Variants in PPP2R2D observed in about 807,000 individuals in gnomAD.
The protein encoded by PPP2R2D is protein phosphatase 2 regulatory subunit Bdelta.
A neutral mutation model predicts 31.1 loss-of-function variants in PPP2R2D; 9 were observed. The observed-to-expected ratio is 0.29, with a 90% CI of 0.17 to 0.51. The LOEUF is 0.51. PPP2R2D is among the 20% of genes least tolerant of loss of function. The pLI is 0.98. For synonymous variants in PPP2R2D, 179 were observed against 172.6 expected (o/e 1.04, Z -0.29); for missense variants, 391 against 465.6 (o/e 0.84, Z 1.48).
intron 2 of PPP2R2D, among the ~76,000 whole-genome samples, chr10:131,917,828 C>A (rs1198659653): frequency 9.1e-6 from 1 of 110,014 alleles, no homozygotes; most frequent in African/African-American, 3.7e-5. Context: ...GGACCTCAGG[C>A]GGGTGGAATG....
downstream of PPP2R2D, among the ~76,000 whole-genome samples, chr10:131,964,664 A>ATTTTTTTTT (rs782297365): frequency 7.9e-6 from 1 of 126,752 alleles, no homozygotes; most frequent in Non-Finnish European, 1.6e-5. Context: ...AGAGTTTACT[A>ATTTTTTTTT]TGTTTTTTTT....
intron 5 of PPP2R2D, 127 bp from the exon 6 acceptor site, chr10:131,943,841 A>G: frequency 1.6e-6 from 1 of 616,902 alleles, no homozygotes; most frequent in Non-Finnish European, 2.9e-6. Context: ...ATTTGGGGGT[A>G]TTGCCTGTAC....
At position 131,901,051 on chromosome 10, in the gene PPP2R2D, C is replaced by T. The variant is rs2119677183; in HGVS notation, c.-98C>T. 6.1e-6 allele frequency: 1 copy of T among 163,842 alleles called. No homozygotes were observed. Among genetic ancestry groups the T allele is most frequent in the Non-Finnish European group, 1.3e-5 (1 of 78,080 alleles). 10.1% of individuals were successfully genotyped at this position (163,842 alleles called of 1,614,324 possible). ...GCGGCGGCGGCGGCGGCGGCGCCGG[C>T]GGTGGTGGCGGCCCCGGGGCTGAGC... On this transcript the variant is annotated 5_prime_UTR_variant, in exon 1 of 9. Coordinates refer to ENST00000455566, the MANE Select transcript of PPP2R2D (RefSeq NM_018461.5).
chr10:131,917,634 C>T (rs1403763247), intron 2 of PPP2R2D, among the ~76,000 whole-genome samples: 6 of 128,048 alleles, frequency 4.7e-5, no homozygotes, highest in African/African-American at 1.5e-4. Flanking sequence ...GTAGGGACCT[C>T]AGGCGGGTGG....
intron 8 of PPP2R2D, among the ~76,000 whole-genome samples, chr10:131,955,212 G>A (rs782220690): frequency 3.3e-5 from 5 of 152,108 alleles, no homozygotes; most frequent in South Asian, 2.1e-4. Flanking sequence ...ATTTCTATCC[G>A]TTGCCTCATT....
chr10:131,942,324 G>T (rs2036456900), intron 5 of PPP2R2D, among the ~76,000 whole-genome samples: 1 of 152,208 alleles, frequency 6.6e-6, no homozygotes, highest in Non-Finnish European at 1.5e-5. Context: ...AATAAAACGG[G>T]TATAATTGGT....
chr10:131,929,597 C>G (rs2036174630), intron 2 of PPP2R2D, among the ~76,000 whole-genome samples: 1 of 152,126 alleles, frequency 6.6e-6, no homozygotes. Context: ...TAGCAGGTGA[C>G]CCTCCCTCAT....
intron 8 of PPP2R2D, among the ~76,000 whole-genome samples, chr10:131,950,676 C>T (rs1453243092): frequency 6.6e-6 from 1 of 152,186 alleles, no homozygotes; most frequent in East Asian, 1.9e-4. Context: ...GGGGCTGAGA[C>T]AGATAGGCAG....
chr10:131,910,293 G>GT (rs1183018310), intron 2 of PPP2R2D, among the ~76,000 whole-genome samples: 80 of 150,922 alleles, frequency 5.3e-4, no homozygotes, highest in Non-Finnish European at 8.6e-4. Flanking sequence ...ACATGGAGTT[G>GT]TTTTTTTTTC....
At chr10:131,954,650 CT>C (rs2036760573) in intron 8 of PPP2R2D, among the ~76,000 whole-genome samples, 2 of 149,508 alleles carry the variant, frequency 1.3e-5, no homozygotes, top group South Asian at 4.2e-4. Flanking sequence ...TTTTTTTCCC[CT>C]GCTTTGAAGT....
At chr10:131,937,185 G>A (rs1292338212) in intron 3 of PPP2R2D, among the ~76,000 whole-genome samples, 1 of 152,232 alleles carries the variant, frequency 6.6e-6, no homozygotes, top group Non-Finnish European at 1.5e-5. Flanking sequence ...GTCCATAGAG[G>A]CCCGTTGGGA....
chr10:131,937,744 T>G (rs2036368981), intron 3 of PPP2R2D, among the ~76,000 whole-genome samples: 2 of 152,244 alleles, frequency 1.3e-5, no homozygotes, highest in African/African-American at 4.8e-5. Context: ...ATGAATGTCT[T>G]GGGCATAGGA....
intron 3 of PPP2R2D, among the ~76,000 whole-genome samples, chr10:131,939,170 TGCTCCAGAAAACACGGC>T: frequency 2.5e-5 from 1 of 40,608 alleles, no homozygotes; most frequent in Non-Finnish European, 4.6e-5. Flanking sequence ...TCGGCAGACC[TGCTCCAGAAAACACGGC>T]AGGCTGCATT....
At chr10:131,934,162 T>C in intron 2 of PPP2R2D, among the ~76,000 whole-genome samples, 1 of 152,188 alleles carries the variant, frequency 6.6e-6, no homozygotes, top group East Asian at 1.9e-4. Context: ...ATTTTCTAAA[T>C]TTCTACCCTT....
At chr10:131,918,861 AGG>A (rs2035892995) in intron 2 of PPP2R2D, among the ~76,000 whole-genome samples, 1 of 147,008 alleles carries the variant, frequency 6.8e-6, no homozygotes, top group Non-Finnish European at 1.5e-5. Context: ...TAGGGACCTC[AGG>A]CGGGTGGAAT....
chr10:131,932,835 C>A (rs1027306747), intron 2 of PPP2R2D, among the ~76,000 whole-genome samples: 1 of 152,004 alleles, frequency 6.6e-6, no homozygotes, highest in Admixed American at 6.6e-5. Context: ...TTGAGCACTG[C>A]AGTGTTTCTA....
At chr10:131,936,315 A>G (rs1564819390) in intron 3 of PPP2R2D, among the ~76,000 whole-genome samples, 1 of 151,320 alleles carries the variant, frequency 6.6e-6, no homozygotes, top group Non-Finnish European at 1.5e-5. Flanking sequence ...CGACCAGCTA[A>G]TTTTTGTATT....
In PPP2R2D at chr10:131,945,314, T is replaced by A. The variant is rs2036515782; in HGVS notation, c.675T>A (p.Pro225=). The A allele has an allele frequency of 6.2e-7, 1 of 1,614,008 alleles. No individual in the cohort carries two copies. Among genetic ancestry groups the A allele is most frequent in the Non-Finnish European group, 8.5e-7 (1 of 1,179,908 alleles). ...TCCCAGACATCGTGGACATCAAGCCTGCTAACATGGAGGAGCTGACCGAAG... is the reference window on the plus strand; with the variant it reads ...TCCCAGACATCGTGGACATCAAGCCAGCTAACATGGAGGAGCTGACCGAAG... ...DRSFNIVDIK[P]ANMEELTEVI... Residue 225 remains proline (P), a synonymous_variant, in exon 7 of 9, where the codon CCT becomes CCA. Coordinates refer to ENST00000455566, the MANE Select transcript of PPP2R2D (RefSeq NM_018461.5). The surrounding 1 kb of genome is among the most constrained non-coding windows in gnomAD (Gnocchi z 4.8).
chr10:131,957,185 A>G lies in PPP2R2D; in HGVS notation c.*1222A>G. 5.8e-6 allele frequency: 1 copy of G among 172,244 alleles called. No individual in the cohort carries two copies. The highest frequency in any genetic ancestry group is 1.3e-5 in the Non-Finnish European group (1 of 79,692). The allele number at this position is 172,244 out of a possible 1,614,324, so 10.7% of individuals were successfully genotyped here. On this transcript the variant is annotated 3_prime_UTR_variant, in exon 9 of 9. Transcript: ENST00000455566. The stretch of plus-strand genomic sequence containing the variant: ...GTCGGGCTCCCGTGCCCCTGTGGAG[A>G]TGGAGGTGTGTGCTGATCCCCCGTC...
Sources: allele counts gnomAD v4.1 joint callset (sites outside exome capture counted in the v4.1 genomes callset), GRCh38; gene constraint gnomAD v4.1.1; non-coding constraint Gnocchi (gnomAD v3.1); transcripts MANE v1.5; gene names NCBI Gene and HGNC (gene_info 2026-07-23, HGNC 2026-07-21).